Variants in SH3TC1 observed in about 807,000 individuals in gnomAD.
SH3TC1 encodes SH3 domain and tetratricopeptide repeat-containing protein 1.
A neutral mutation model predicts 117.3 loss-of-function variants in SH3TC1; 135 were observed. The ratio of observed to expected loss-of-function variants is 1.15; its 90% CI spans 1.00 to 1.33. The LOEUF is 1.33. SH3TC1 is among the 40% of genes most tolerant of loss of function. The pLI, the probability that SH3TC1 is intolerant of heterozygous loss-of-function variation, is 0.00. For synonymous variants in SH3TC1, 898 were observed against 816.9 expected (o/e 1.10, Z -1.69); for missense variants, 2,092 against 1,794.3 (o/e 1.17, Z -3.00).
Position 8,222,933 on chromosome 4 carries a change from G to A in SH3TC1, c.1206G>A (p.Arg402=). 6.2e-7 allele frequency: 1 copy of A among 1,612,958 alleles called. No individual in the cohort carries two copies. The highest frequency in any genetic ancestry group is 8.5e-7 in the Non-Finnish European group (1 of 1,179,840). ...AGGATGCCAGGCAGTTGCTGAGGCG[G>A]ATGTCGGGCACCGATGTCTGCAGCG... is the stretch of plus-strand genomic sequence containing the variant. ...SEEDARQLLR[R]MSGTDVCSVY... Residue 402 remains arginine (R), a synonymous_variant, in exon 10 of 18, where the codon CGG becomes CGA. Coordinates refer to ENST00000245105, the MANE Select transcript of SH3TC1 (RefSeq NM_018986.5).
At chr4:8,233,698 A>C (rs899490392) in intron 14 of SH3TC1, among the ~76,000 whole-genome samples, 185 bp downstream of exon 14, 1 of 149,524 alleles carries the variant, frequency 6.7e-6, no homozygotes, top group African/African-American at 2.5e-5. Flanking sequence ...TCCATCCATC[A>C]TCCATCCATC....
At position 8,209,805 on chromosome 4, in the gene SH3TC1, T is replaced by C; in HGVS notation, c.230T>C (p.Met77Thr). Residue 77 changes from methionine to threonine, a missense_variant, in exon 3 of 18, where the codon ATG becomes ACG. Met to Thr is a moderately conservative substitution (Grantham distance 81). Coordinates refer to ENST00000245105, the MANE Select transcript of SH3TC1 (RefSeq NM_018986.5). The surrounding 1 kb of genome is among the most constrained non-coding windows in gnomAD (Gnocchi z 5.9). Reference sequence around the variant, plus strand: ...GCTGCTGGGACCCCTCCCTGCCAGATGGGGGTTTATCCCACAGGTAAACAT... The same window carrying C: ...GCTGCTGGGACCCCTCCCTGCCAGACGGGGGTTTATCCCACAGGTAAACAT... ...GPAAGTPPCQ[M>T]GVYPTDLTLQ... is the part of the protein sequence containing the mutation. 1 of 1,613,456 alleles carries C rather than the reference T, an allele frequency of 6.2e-7. No homozygotes were observed. Among genetic ancestry groups the C allele is most frequent in the Non-Finnish European group, 8.5e-7 (1 of 1,179,956 alleles).
At chr4:8,229,409 AGGGGTGAGTGAGTGGGGGTGTGATG>A (rs1720908607) in intron 12 of SH3TC1, among the ~76,000 whole-genome samples, 7 of 119,642 alleles carry the variant, frequency 5.9e-5, no homozygotes, top group South Asian at 3.4e-4. Flanking sequence ...GTGAGCGAGT[AGGGGTGAGTGAGTGGGGGTGTGATG>A]GGGGTGAGTG....
chr4:8,236,209 G>A (rs1721797796), intron 15 of SH3TC1, 69 bp from the exon 16 acceptor site: 2 of 1,467,582 alleles, frequency 1.4e-6, no homozygotes, highest in South Asian at 2.7e-5. Flanking sequence ...GCACATGTTT[G>A]AGCTCTGAGG....
intron 10 of SH3TC1, among the ~76,000 whole-genome samples, chr4:8,224,271 C>A (rs1315491658): frequency 1.3e-5 from 2 of 152,246 alleles, no homozygotes; most frequent in Non-Finnish European, 2.9e-5. Context: ...AAGACCTTTT[C>A]TCCCACCAGT....
At chr4:8,217,483 C>T (rs1055344476) in intron 7 of SH3TC1, among the ~76,000 whole-genome samples, 2 of 152,236 alleles carry the variant, frequency 1.3e-5, no homozygotes, top group African/African-American at 4.8e-5. Context: ...CTACATAAAA[C>T]ATGCGTATCC....
intron 4 of SH3TC1, 84 bp downstream of exon 4, chr4:8,212,912 G>T: frequency 6.9e-7 from 1 of 1,450,392 alleles, no homozygotes; most frequent in Non-Finnish European, 9.2e-7. Context: ...CTGAGACTGG[G>T]GACACAGGAG....
At chr4:8,185,277 G>A (rs1717187379) in intron 1 of SH3TC1, among the ~76,000 whole-genome samples, 1 of 151,974 alleles carries the variant, frequency 6.6e-6, no homozygotes, top group South Asian at 2.1e-4. Context: ...CGGAGGTTGT[G>A]GGGAGCCGAG....
upstream of SH3TC1, among the ~76,000 whole-genome samples, chr4:8,198,117 C>G (rs1377650687): frequency 6.6e-6 from 1 of 152,104 alleles, no homozygotes; most frequent in Non-Finnish European, 1.5e-5. Context: ...CGCCCTGCAA[C>G]AAAGAAGGAT....
Position 8,202,490 on chromosome 4 carries a change from G to A in SH3TC1, c.-28-2677G>A, listed in dbSNP as rs185495573. Among the ~76,000 whole-genome samples the A allele has an allele frequency of 3.4e-3, 523 of 152,380 alleles. 1 individual carries two copies. Among genetic ancestry groups the A allele is most frequent in the Non-Finnish European group, 4.0e-3 (272 of 68,034 alleles). Reference sequence around the variant, plus strand: ...GAGGGTCTCTTGGGTGCCTCTTGGCGTCAGATGTCTCCTGATTCACCATTC... The same window carrying A: ...GAGGGTCTCTTGGGTGCCTCTTGGCATCAGATGTCTCCTGATTCACCATTC... On this transcript the variant is annotated intron_variant, in intron 1 of 17. Transcript: ENST00000245105.
chr4:8,216,395 T>G, intron 6 of SH3TC1, 138 bp downstream of exon 6: 1 of 1,329,528 alleles, frequency 7.5e-7, no homozygotes, highest in Non-Finnish European at 1.0e-6. Context: ...GAGGGGTGCT[T>G]CAGGCAGGGA....
intron 12 of SH3TC1, among the ~76,000 whole-genome samples, chr4:8,230,270 C>A (rs1292533200): frequency 6.6e-6 from 1 of 152,132 alleles, no homozygotes; most frequent in Non-Finnish European, 1.5e-5. Context: ...TCTTTCATTT[C>A]TGATTTTAGA....
Position 8,237,523 on chromosome 4 carries a change from A to G in SH3TC1, c.3606A>G (p.Gln1202=), listed in dbSNP as rs774231989. The change falls in exon 17 of 18, where the codon CAA becomes CAG. Residue 1202 remains glutamine, a synonymous_variant. Coordinates refer to ENST00000245105, the MANE Select transcript of SH3TC1 (RefSeq NM_018986.5). ...RVAYHRLAAL[Q]HRLGHGELAE... ...CCTACCACCGGCTGGCCGCCCTGCAACACCGACTGGGCCATGGCGAGCTGG... is the reference window on the plus strand; with the variant it reads ...CCTACCACCGGCTGGCCGCCCTGCAGCACCGACTGGGCCATGGCGAGCTGG... The G allele has an allele frequency of 3.1e-6, 5 of 1,607,326 alleles. No homozygotes were observed. The African/African-American group carries it at 6.7e-5, about 22-fold the overall frequency.
intron 14 of SH3TC1, among the ~76,000 whole-genome samples, chr4:8,235,081 G>A (rs1050139471): frequency 1.3e-5 from 2 of 152,258 alleles, no homozygotes; most frequent in African/African-American, 2.4e-5. Context: ...CCTGAGCTGT[G>A]GCAGGGATGT....
At chr4:8,215,690 C>T (rs1358393101) in intron 5 of SH3TC1, among the ~76,000 whole-genome samples, 1 of 152,192 alleles carries the variant, frequency 6.6e-6, no homozygotes, top group Non-Finnish European at 1.5e-5. Flanking sequence ...ATCCCAGAGA[C>T]AAGGCTTCAC....
In SH3TC1 at chr4:8,217,000, G is replaced by A. The variant is rs184242255; in HGVS notation, c.672G>A (p.Met224Ile). 155 of 1,613,996 alleles carry A rather than the reference G, an allele frequency of 9.6e-5. No homozygotes were observed. In the East Asian group the frequency reaches 3.3e-3, roughly 34 times the overall value. ...GTCCTGACCACCATGTGAGAGTGATGACGGGTCCCCGGGATGCAGGAAATG... is the reference window on the plus strand; with the variant it reads ...GTCCTGACCACCATGTGAGAGTGATAACGGGTCCCCGGGATGCAGGAAATG... Reference protein sequence around the residue: ...VLCPDHHVRVMTGPRDAGNGP... With the variant: ...VLCPDHHVRVITGPRDAGNGP... Residue 224 changes from methionine (M) to isoleucine (I), a missense_variant, in exon 7 of 18, where the codon ATG becomes ATA. By Grantham distance (10) the Met-to-Ile change is conservative. Transcript: ENST00000245105.
In SH3TC1 at chr4:8,209,589, G is replaced by A. The variant is rs199675284; in HGVS notation, c.173-159G>A. Reference sequence around the variant, plus strand: ...TGCAGGCAGCTTCCCTCCTTGCTGGGCTCTGGGGAGACTGGAGGAAGGCAG... The same window carrying A: ...TGCAGGCAGCTTCCCTCCTTGCTGGACTCTGGGGAGACTGGAGGAAGGCAG... On this transcript the variant is annotated intron_variant, in intron 2 of 17. Coordinates refer to ENST00000245105, the MANE Select transcript of SH3TC1 (RefSeq NM_018986.5). This position sits in a 1 kb window ranked among gnomAD's most constrained non-coding sequence, Gnocchi z 5.9. 9.2e-6 allele frequency: 14 copies of A among 1,521,958 alleles called. No homozygotes were observed. The East Asian group carries it at 3.2e-4, about 35-fold the overall frequency. The allele number at this position is 1,521,958 out of a possible 1,614,324, so 94.3% of individuals were successfully genotyped here.
chr4:8,198,243 A>T (rs1399131297), upstream of SH3TC1, among the ~76,000 whole-genome samples: 1 of 152,174 alleles, frequency 6.6e-6, no homozygotes, highest in South Asian at 2.1e-4. Context: ...TGGGCATGTC[A>T]CATTACCTCC....
chr4:8,223,117 T>G, intron 10 of SH3TC1, 147 bp downstream of exon 10: 2 of 1,185,462 alleles, frequency 1.7e-6, no homozygotes, highest in South Asian at 3.2e-5. Context: ...CCAGGGCACA[T>G]AGGGGCTGCA....
Sources: allele counts gnomAD v4.1 joint callset (sites outside exome capture counted in the v4.1 genomes callset), GRCh38; gene constraint gnomAD v4.1.1; non-coding constraint Gnocchi (gnomAD v3.1); transcripts MANE v1.5; gene names NCBI Gene and HGNC (gene_info 2026-07-23, HGNC 2026-07-21).